The following FTO variants were observed in gnomAD, a reference collection of about 807,000 sequenced individuals.
The protein encoded by FTO is FTO alpha-ketoglutarate dependent dioxygenase, also known as alpha-ketoglutarate-dependent dioxygenase FTO.
Under a neutral mutation model 63.9 loss-of-function variants are expected in FTO, and 47 were observed. That is an observed-to-expected ratio of 0.74 (90% CI 0.58 to 0.94). FTO has a LOEUF of 0.94. Among genes scored for constraint, FTO ranks in the 40% least tolerant of loss-of-function variants. The pLI is 0.00. For missense variants in FTO, 562 were observed against 618.1 expected (o/e 0.91, Z 0.96); for synonymous variants, 207 against 224.4 (o/e 0.92, Z 0.69).
In FTO at chr16:54,070,587, C is replaced by T. The variant is rs547368511; in HGVS notation, c.1365-41175C>T. 8 of 152,246 alleles carry T rather than the reference C, an allele frequency of 5.3e-5. No individual in the cohort carries two copies. In the South Asian group the frequency reaches 1.2e-3, roughly 24 times the overall value. 9.4% of individuals were successfully genotyped at this position (152,246 alleles called of 1,614,324 possible). ...TAGAGTCAGTTTTGCTATTCTCATGCGTTTCTTACTTATAGGGTCAAAAAC... is the reference window on the plus strand; with the variant it reads ...TAGAGTCAGTTTTGCTATTCTCATGTGTTTCTTACTTATAGGGTCAAAAAC... On this transcript the variant is annotated intron_variant, in intron 8 of 8. Transcript: ENST00000471389.
rs185272463 is a variant in FTO, at chr16:53,920,888, C to T, written c.1240-13097C>T. 2.0e-5 allele frequency among the ~76,000 whole-genome samples: 3 copies of T among 152,224 alleles called. No homozygotes were observed. In the East Asian group the frequency reaches 5.8e-4, roughly 29 times the overall value. On this transcript the variant is annotated intron_variant, in intron 7 of 8. Transcript: ENST00000471389. ...GGGCAGTAGTAAGGTCTCAGTAGGA[C>T]CTTCTGGCTTCACTCTCCTGAGCAG...
intron 8 of FTO, among the ~76,000 whole-genome samples, chr16:54,032,503 G>A (rs568566720): frequency 5.3e-5 from 8 of 152,262 alleles, no homozygotes; most frequent in Non-Finnish European, 1.2e-4. Flanking sequence ...GGACTACTTA[G>A]ATCATTATGT....
chr16:54,083,430 C>T (rs2086192116), intron 8 of FTO, among the ~76,000 whole-genome samples: 1 of 152,182 alleles, frequency 6.6e-6, no homozygotes, highest in Non-Finnish European at 1.5e-5. Context: ...TTTCTGGTCT[C>T]CTTTGATGAC....
intron 6 of FTO, among the ~76,000 whole-genome samples, chr16:53,885,316 C>T (rs919160900): frequency 3.3e-5 from 5 of 152,174 alleles, no homozygotes; most frequent in Non-Finnish European, 7.4e-5. Flanking sequence ...AACTGGTAAA[C>T]GTGGCATTTG....
At chr16:53,903,896 A>ATG (rs1182916771) in intron 7 of FTO, among the ~76,000 whole-genome samples, 4 of 151,806 alleles carry the variant, frequency 2.6e-5, no homozygotes, top group African/African-American at 9.7e-5. Context: ...CAGAGTTTAT[A>ATG]TGTGTGTGTG....
At chr16:53,881,204 T>C (rs1330843413) in intron 6 of FTO, among the ~76,000 whole-genome samples, 1 of 152,050 alleles carries the variant, frequency 6.6e-6, no homozygotes, top group Non-Finnish European at 1.5e-5. Flanking sequence ...GACCATAGCA[T>C]TCTCCCAGCT....
intron 1 of FTO, among the ~76,000 whole-genome samples, chr16:53,753,372 A>G (rs935913565): frequency 2.0e-5 from 3 of 151,944 alleles, no homozygotes; most frequent in Non-Finnish European, 4.4e-5. Context: ...TGAAAATGTT[A>G]TAGGATTTAT....
At chr16:53,941,980 A>G (rs1289849284) in intron 8 of FTO, among the ~76,000 whole-genome samples, 1 of 152,202 alleles carries the variant, frequency 6.6e-6, no homozygotes, top group Non-Finnish European at 1.5e-5. Flanking sequence ...AATGCCTGAC[A>G]CTCAGATTTG....
At chr16:53,959,048 T>C (rs1255154384) in intron 8 of FTO, among the ~76,000 whole-genome samples, 1 of 152,222 alleles carries the variant, frequency 6.6e-6, no homozygotes, top group African/African-American at 2.4e-5. Context: ...AACTAGTACA[T>C]ATTAAGTGCC....
chr16:53,729,397 C>T (rs937765276), intron 1 of FTO, among the ~76,000 whole-genome samples: 3 of 151,572 alleles, frequency 2.0e-5, no homozygotes, highest in African/African-American at 4.9e-5. Flanking sequence ...CTTGGTGGTG[C>T]GTGCCTGTAT....
chr16:53,776,100 CTA>C (rs1054250950), intron 1 of FTO, among the ~76,000 whole-genome samples: 2 of 152,108 alleles, frequency 1.3e-5, no homozygotes, highest in African/African-American at 4.8e-5. Flanking sequence ...CTGAAATTAA[CTA>C]TTTGCTTTGA....
intron 4 of FTO, among the ~76,000 whole-genome samples, chr16:53,868,411 C>G (rs149890151): frequency 3.3e-4 from 50 of 152,054 alleles, no homozygotes; most frequent in African/African-American, 1.1e-3. Flanking sequence ...TACAGCTGTT[C>G]CAAGTCCACT....
intron 4 of FTO, among the ~76,000 whole-genome samples, chr16:53,868,920 C>T (rs1416112216): frequency 6.6e-6 from 1 of 152,092 alleles, no homozygotes; most frequent in Non-Finnish European, 1.5e-5. Flanking sequence ...CAACCTCCGC[C>T]TCCCGGGTTC....
chr16:54,097,285 A>T (rs2086536274), intron 8 of FTO, among the ~76,000 whole-genome samples: 1 of 151,364 alleles, frequency 6.6e-6, no homozygotes. Context: ...TCCCTACTAT[A>T]CCATCTGGCT....
intron 8 of FTO, among the ~76,000 whole-genome samples, chr16:54,002,591 C>G (rs552213634): frequency 2.6e-5 from 4 of 152,324 alleles, no homozygotes; most frequent in African/African-American, 9.6e-5. Context: ...GGAAAGAGAT[C>G]TCTACTTCTT....
At chr16:53,883,622 CAAAAAAAAAAAAACA>C (rs1205811163) in intron 6 of FTO, among the ~76,000 whole-genome samples, 2 of 59,384 alleles carry the variant, frequency 3.4e-5, no homozygotes, top group Non-Finnish European at 5.7e-5. Context: ...AACTCTATCT[CAAAAAAAAAAAAACA>C]AAAAAAAAAA....
Position 53,844,276 on chromosome 16 carries a change from A to T in FTO, c.873A>T (p.Gln291His). The change falls in exon 4 of 9, where the codon CAA becomes CAT. Residue 291 changes from glutamine (Q) to histidine (H), a missense_variant. By Grantham distance (24) the Gln-to-His change is conservative. Transcript: ENST00000471389. ...CTGGTTTGGCGATACCCCTTCACCAAGGAGACTGCTATTTCATGCTTGGTA... is the reference window on the plus strand; with the variant it reads ...CTGGTTTGGCGATACCCCTTCACCATGGAGACTGCTATTTCATGCTTGGTA... ...ETPGLAIPLH[Q>H]GDCYFMLDDL... is the part of the protein sequence containing the mutation. 6.2e-7 allele frequency: 1 copy of T among 1,613,682 alleles called. No individual in the cohort carries two copies. Among genetic ancestry groups the T allele is most frequent in the Non-Finnish European group, 8.5e-7 (1 of 1,179,578 alleles).
chr16:53,884,532 G>C (rs751569505), intron 6 of FTO, among the ~76,000 whole-genome samples: 7 of 152,124 alleles, frequency 4.6e-5, no homozygotes, highest in Admixed American at 2.0e-4. Context: ...CCCAAGGGGC[G>C]CAGTCACACA....
At chr16:54,093,855 G>C (rs1025535490) in intron 8 of FTO, among the ~76,000 whole-genome samples, 1 of 152,128 alleles carries the variant, frequency 6.6e-6, no homozygotes, top group Non-Finnish European at 1.5e-5. Flanking sequence ...TATTTTCCCT[G>C]TTGGAAAAAG....
Sources: gnomAD v4.1 joint callset for allele counts (sites outside exome capture counted in the v4.1 genomes callset) on GRCh38, gnomAD v4.1.1 for gene constraint, MANE v1.5 for transcripts, NCBI Gene and HGNC (gene_info 2026-07-23, HGNC 2026-07-21) for gene names.